SGCD: variants seen among roughly 807,000 people sequenced by gnomAD.
SGCD encodes the protein sarcoglycan delta, also known as delta-sarcoglycan.
Under a neutral mutation model 36.6 loss-of-function variants are expected in SGCD, and 18 were observed. The ratio of observed to expected loss-of-function variants is 0.49; its 90% CI spans 0.34 to 0.73. The LOEUF (loss-of-function observed/expected upper bound fraction) is 0.73. SGCD is among the 30% of genes least tolerant of loss of function. The pLI is 0.01. For synonymous variants in SGCD, 133 were observed against 130.6 expected, an observed-to-expected ratio of 1.02 and a Z score of -0.12; for missense variants, 387 against 346.7, an observed-to-expected ratio of 1.12 and a Z score of -0.92.
chr5:155,782,856 C>A, the SGCD span, among the ~76,000 whole-genome samples: 1 of 152,136 alleles, frequency 6.6e-6, no homozygotes, highest in Non-Finnish European at 1.5e-5. Context: ...ACCAAACCAT[C>A]CCCCTCTTTA....
At chr5:156,739,280 G>A (rs1468534780) in intron 7 of SGCD, among the ~76,000 whole-genome samples, 1 of 152,170 alleles carries the variant, frequency 6.6e-6, no homozygotes, top group Non-Finnish European at 1.5e-5. Flanking sequence ...AACATAGCAA[G>A]AGCATTGCAT....
chr5:155,933,610 G>A (rs1307921195), intron 1 of SGCD, among the ~76,000 whole-genome samples: 1 of 152,144 alleles, frequency 6.6e-6, no homozygotes, highest in African/African-American at 2.4e-5. Context: ...ATAGGTTTTG[G>A]CTTAAGATGG....
Position 156,059,120 on chromosome 5 carries a change from A to T in SGCD, c.-281-58758A>T, listed in dbSNP as rs1251758566. On this transcript the variant is annotated intron_variant, in intron 1 of 9. Transcript: ENST00000517913. ...ATCATTTTTTAAATAAAAAAAAAAAAGTTTTGGTTTTTGATTTCTGGGAGT... is the reference window on the plus strand; with the variant it reads ...ATCATTTTTTAAATAAAAAAAAAAATGTTTTGGTTTTTGATTTCTGGGAGT... Among the ~76,000 whole-genome samples, 5 of 144,676 alleles carry T rather than the reference A, an allele frequency of 3.5e-5. 1 individual carries two copies. Among genetic ancestry groups the T allele is most frequent in the Admixed American group, 6.9e-5 (1 of 14,494 alleles). The allele number at this position is 144,676 out of a possible 152,430, so 94.9% of individuals were successfully genotyped here.
intron 1 of SGCD, among the ~76,000 whole-genome samples, chr5:155,915,741 A>G (rs1257795696): frequency 6.6e-6 from 1 of 152,222 alleles, no homozygotes; most frequent in South Asian, 2.1e-4. Context: ...CAAAACCTAA[A>G]TTATTTGAAA....
At chr5:156,639,279 A>G (rs183552290) in intron 6 of SGCD, among the ~76,000 whole-genome samples, 19 of 152,322 alleles carry the variant, frequency 1.2e-4, no homozygotes, top group Non-Finnish European at 5.9e-5. Flanking sequence ...AGCTAGAAGA[A>G]GCAAATTAAC....
chr5:156,605,989 G>A (rs1468689170), intron 6 of SGCD, among the ~76,000 whole-genome samples: 1 of 152,160 alleles, frequency 6.6e-6, no homozygotes, highest in African/African-American at 2.4e-5. Flanking sequence ...CACCCATTCT[G>A]TGGGTTGCCC....
chr5:156,432,830 G>A (rs750524404), intron 3 of SGCD, among the ~76,000 whole-genome samples: 1 of 152,168 alleles, frequency 6.6e-6, no homozygotes, highest in African/African-American at 2.4e-5. Context: ...TAACAGCAAC[G>A]GGTTTAGATC....
At chr5:156,220,211 A>G (rs2127645295) in intron 3 of SGCD, among the ~76,000 whole-genome samples, 1 of 152,258 alleles carries the variant, frequency 6.6e-6, no homozygotes, top group East Asian at 1.9e-4. Flanking sequence ...TGCTACCTTT[A>G]TTAATATGTA....
chr5:155,756,838 A>G, the SGCD span, among the ~76,000 whole-genome samples: 1 of 152,216 alleles, frequency 6.6e-6, no homozygotes, highest in Non-Finnish European at 1.5e-5. Context: ...TGAAATCGGC[A>G]TGAGTTGTAC....
chr5:156,207,635 C>T (rs923361201), intron 3 of SGCD, among the ~76,000 whole-genome samples: 6 of 152,056 alleles, frequency 3.9e-5, no homozygotes, highest in African/African-American at 1.4e-4. Context: ...ACCGCAATTA[C>T]TTTTGCACCA....
intron 3 of SGCD, among the ~76,000 whole-genome samples, chr5:156,211,758 CT>C (rs1004301483): frequency 6.6e-6 from 1 of 151,780 alleles, no homozygotes. Context: ...TTACTTATAT[CT>C]TTAGTGTAAA....
chr5:156,399,130 G>A (rs1273444543), intron 3 of SGCD, among the ~76,000 whole-genome samples: 2 of 152,182 alleles, frequency 1.3e-5, no homozygotes, highest in African/African-American at 4.8e-5. Flanking sequence ...ATAAGTACAA[G>A]ATTGACAGAG....
chr5:156,057,378 T>C (rs1760088565), intron 1 of SGCD, among the ~76,000 whole-genome samples: 1 of 146,556 alleles, frequency 6.8e-6, no homozygotes, highest in African/African-American at 2.5e-5. Context: ...TGAGGAATTA[T>C]GTTAGTCATT....
chr5:155,819,173 A>G, the SGCD span, among the ~76,000 whole-genome samples: 5 of 152,210 alleles, frequency 3.3e-5, no homozygotes, highest in African/African-American at 9.7e-5. Context: ...CACTTCAAAC[A>G]TTCTGAAATC....
chr5:156,262,622 T>C (rs62383770), intron 3 of SGCD, among the ~76,000 whole-genome samples: 8,209 of 152,166 alleles, frequency 0.054, 253 homozygotes, highest in Non-Finnish European at 0.069. Flanking sequence ...TGTTAGATTT[T>C]GGTGCGCTCA....
chr5:155,933,752 G>A (rs1310193245), intron 1 of SGCD, among the ~76,000 whole-genome samples: 2 of 152,166 alleles, frequency 1.3e-5, no homozygotes, highest in Non-Finnish European at 2.9e-5. Context: ...GATTAAAATG[G>A]CATCATGCCA....
In SGCD at chr5:156,750,449, G is replaced by C. The variant is rs140574022; in HGVS notation, c.576-7132G>C. ...GCCTCTAATCTCAGCACTTTAGGAG[G>C]CCCAGGCAGGCAGATCACTTGAGTT... On this transcript the variant is annotated intron_variant, in intron 7 of 8. Transcript: ENST00000337851. 2.2e-3 allele frequency among the ~76,000 whole-genome samples: 339 copies of C among 152,100 alleles called. 2 individuals are homozygous for C. Among genetic ancestry groups the C allele is most frequent in the African/African-American group, 6.7e-3 (278 of 41,514 alleles).
intron 3 of SGCD, among the ~76,000 whole-genome samples, chr5:156,146,963 G>T (rs1762721576): frequency 1.3e-5 from 2 of 152,200 alleles, no homozygotes; most frequent in African/African-American, 4.8e-5. Context: ...CTTTGCCAAA[G>T]TATAATACTC....
intron 4 of SGCD, among the ~76,000 whole-genome samples, chr5:156,545,727 C>T (rs1194040151): frequency 1.3e-5 from 2 of 152,152 alleles, no homozygotes; most frequent in African/African-American, 2.4e-5. Context: ...TACCCGTCTT[C>T]GGCCTGGGGG....
Sources: gnomAD v4.1 joint callset for allele counts (sites outside exome capture counted in the v4.1 genomes callset) on GRCh38, gnomAD v4.1.1 for gene constraint, MANE v1.5 for transcripts, NCBI Gene and HGNC (gene_info 2026-07-23, HGNC 2026-07-21) for gene names.